Variants in EFNA5 observed in about 807,000 individuals in gnomAD.
EFNA5 encodes the protein ephrin-A5.
EFNA5 carries 5 observed loss-of-function variants against 22.9 expected under a neutral mutation model. The ratio of observed to expected loss-of-function variants is 0.22; its 90% CI spans 0.11 to 0.46. The LOEUF (loss-of-function observed/expected upper bound fraction) is 0.46. Among genes scored for constraint, EFNA5 ranks in the 20% least tolerant of loss-of-function variants. The pLI, the probability that EFNA5 is intolerant of heterozygous loss-of-function variation, is 0.99. For synonymous variants in EFNA5, 113 were observed against 112.2 expected (o/e 1.01, Z -0.04); for missense variants, 237 against 293.3 (o/e 0.81, Z 1.40).
intron 1 of EFNA5, among the ~76,000 whole-genome samples, chr5:107,450,110 C>T (rs780895360): frequency 2.6e-5 from 4 of 152,132 alleles, no homozygotes; most frequent in Admixed American, 6.6e-5. Context: ...GGCAGAAAGC[C>T]GTGAAATATT....
chr5:107,613,504 T>C (rs1485242410), intron 1 of EFNA5, among the ~76,000 whole-genome samples: 1 of 152,136 alleles, frequency 6.6e-6, no homozygotes, highest in Non-Finnish European at 1.5e-5. Context: ...TATGAACTTC[T>C]GTTCTCTCTC....
intron 1 of EFNA5, among the ~76,000 whole-genome samples, chr5:107,497,162 TGTA>T (rs1417674428): frequency 3.9e-5 from 6 of 152,228 alleles, no homozygotes; most frequent in African/African-American, 1.4e-4. Flanking sequence ...CTTTGCTATC[TGTA>T]GTAGTAGGTG....
intron 1 of EFNA5, among the ~76,000 whole-genome samples, chr5:107,489,781 A>G (rs1005327936): frequency 1.3e-5 from 2 of 152,140 alleles, no homozygotes; most frequent in Non-Finnish European, 2.9e-5. Context: ...TATGTACAGG[A>G]AAGTTCTCTG....
chr5:107,639,681 G>A (rs1401247201), intron 1 of EFNA5, among the ~76,000 whole-genome samples: 1 of 152,004 alleles, frequency 6.6e-6, no homozygotes, highest in Non-Finnish European at 1.5e-5. Flanking sequence ...TTTTTCTAAT[G>A]GCATAGGTTA....
At chr5:107,514,572 G>A (rs1747437546) in intron 1 of EFNA5, among the ~76,000 whole-genome samples, 1 of 152,130 alleles carries the variant, frequency 6.6e-6, no homozygotes, top group Admixed American at 6.5e-5. Flanking sequence ...TACAAGGGCA[G>A]ATTTATTTTT....
chr5:107,487,528 A>G (rs1338142834), intron 1 of EFNA5, among the ~76,000 whole-genome samples: 1 of 152,248 alleles, frequency 6.6e-6, no homozygotes, highest in African/African-American at 2.4e-5. Flanking sequence ...TGAGAGTATT[A>G]GGCAGATGAC....
chr5:107,412,674 G>T (rs113359456), intron 2 of EFNA5, among the ~76,000 whole-genome samples: 1 of 152,146 alleles, frequency 6.6e-6, no homozygotes, highest in Non-Finnish European at 1.5e-5. Flanking sequence ...TTTTGTACAC[G>T]TTCAACTGAC....
At chr5:107,616,944 A>G (rs938839298) in intron 1 of EFNA5, among the ~76,000 whole-genome samples, 3 of 152,228 alleles carry the variant, frequency 2.0e-5, no homozygotes, top group East Asian at 3.9e-4. Flanking sequence ...CAGGGGATCA[A>G]TTTCTACTCC....
rs527536111 is a variant in EFNA5 at position 107,485,518 on chromosome 5, T to C, written c.126-58009A>G. Among the ~76,000 whole-genome samples, 4 of 152,316 alleles carry C rather than the reference T, an allele frequency of 2.6e-5. No individual in the cohort carries two copies. In the East Asian group the frequency reaches 7.7e-4, roughly 29 times the overall value. On this transcript the variant is annotated intron_variant, in intron 1 of 4. Coordinates refer to ENST00000333274, the MANE Select transcript of EFNA5 (RefSeq NM_001962.3). Reference sequence around the variant, plus strand: ...TTCTCTGGGAAGAAAATGTTTGTGATAGAATTGGTCCTTGAGAAAGAGTGA... The same window carrying C: ...TTCTCTGGGAAGAAAATGTTTGTGACAGAATTGGTCCTTGAGAAAGAGTGA...
At chr5:107,473,403 A>G (rs1040321152) in intron 1 of EFNA5, among the ~76,000 whole-genome samples, 34 of 151,888 alleles carry the variant, frequency 2.2e-4, no homozygotes, top group Admixed American at 9.2e-4. Context: ...AATGAATTCC[A>G]CTTATTCTAC....
At chr5:107,597,123 T>G (rs1336848705) in intron 1 of EFNA5, among the ~76,000 whole-genome samples, 1 of 152,190 alleles carries the variant, frequency 6.6e-6, no homozygotes, top group Non-Finnish European at 1.5e-5. Flanking sequence ...AAGAAATACG[T>G]CATTTTAAAT....
intron 1 of EFNA5, among the ~76,000 whole-genome samples, chr5:107,650,621 T>C (rs924823935): frequency 6.6e-6 from 1 of 152,170 alleles, no homozygotes; most frequent in Non-Finnish European, 1.5e-5. Flanking sequence ...TAAAGGTATA[T>C]TGTTATTATG....
chr5:107,591,402 C>T (rs1354842562), intron 1 of EFNA5, among the ~76,000 whole-genome samples: 1 of 152,108 alleles, frequency 6.6e-6, no homozygotes, highest in African/African-American at 2.4e-5. Context: ...ACCACAGTCC[C>T]CACCTCTCCC....
chr5:107,515,672 C>A (rs2112438647), intron 1 of EFNA5, among the ~76,000 whole-genome samples: 1 of 152,206 alleles, frequency 6.6e-6, no homozygotes, highest in East Asian at 1.9e-4. Context: ...GCCACTGCAC[C>A]CAGCAGACAT....
intron 1 of EFNA5, among the ~76,000 whole-genome samples, chr5:107,543,607 C>T (rs1318286869): frequency 6.6e-6 from 1 of 152,048 alleles, no homozygotes; most frequent in African/African-American, 2.4e-5. Flanking sequence ...TACAGCATAC[C>T]AAATACTTTT....
intron 4 of EFNA5, among the ~76,000 whole-genome samples, chr5:107,384,110 T>C (rs1205246389): frequency 6.6e-6 from 1 of 152,202 alleles, no homozygotes; most frequent in Non-Finnish European, 1.5e-5. Context: ...AAACTGGCTG[T>C]CATTTGGGTA....
intron 1 of EFNA5, among the ~76,000 whole-genome samples, chr5:107,569,547 GTATATATATATTTATATATA>G (rs1235761496): frequency 3.8e-5 from 4 of 104,422 alleles, no homozygotes; most frequent in Non-Finnish European, 8.5e-5. Context: ...ATATATGTGT[GTATATATATATTTATATATA>G]TATATATATA....
At chr5:107,390,622 G>C (rs1466926348) in intron 2 of EFNA5, among the ~76,000 whole-genome samples, 1 of 151,790 alleles carries the variant, frequency 6.6e-6, no homozygotes, top group Non-Finnish European at 1.5e-5. Flanking sequence ...TGGCTCTAGA[G>C]ATACATCACT....
chr5:107,525,975 A>T (rs1381679510), intron 1 of EFNA5, among the ~76,000 whole-genome samples: 1 of 152,190 alleles, frequency 6.6e-6, no homozygotes, highest in Non-Finnish European at 1.5e-5. Flanking sequence ...TTTAGTTAGC[A>T]ATCATATTTA....
Sources: gnomAD v4.1 joint callset for allele counts (sites outside exome capture counted in the v4.1 genomes callset) on GRCh38, gnomAD v4.1.1 for gene constraint, MANE v1.5 for transcripts, NCBI Gene and HGNC (gene_info 2026-07-23, HGNC 2026-07-21) for gene names.